TG: variants seen among roughly 807,000 people sequenced by gnomAD.
The protein encoded by TG is thyroid hormones.
Under a neutral mutation model 324.7 loss-of-function variants are expected in TG, and 270 were observed. That is an observed-to-expected ratio of 0.83 (90% CI 0.75 to 0.92). The LOEUF is 0.92. Among genes scored for constraint, TG ranks in the 40% least tolerant of loss-of-function variants. The pLI is 0.00. For missense variants in TG, 3,591 were observed against 3,456.4 expected, an observed-to-expected ratio of 1.04 and a Z score of -0.98; for synonymous variants, 1,401 against 1,327.0, an observed-to-expected ratio of 1.06 and a Z score of -1.21.
At chr8:132,993,347 C>A (rs1024582957) in intron 35 of TG, among the ~76,000 whole-genome samples, 3 of 152,122 alleles carry the variant, frequency 2.0e-5, no homozygotes, top group African/African-American at 4.8e-5. Flanking sequence ...AGTTTTGAAC[C>A]CTCCCTTTGG....
intron 15 of TG, 41 bp from the exon 16 acceptor site, chr8:132,901,312 G>A (rs1055770627): frequency 5.6e-6 from 9 of 1,610,952 alleles, no homozygotes; most frequent in Non-Finnish European, 7.6e-6. Context: ...GCAGGGAGTG[G>A]GCACTGATTC....
chr8:133,071,154 G>C (rs1357736659), intron 41 of TG, among the ~76,000 whole-genome samples: 1 of 152,194 alleles, frequency 6.6e-6, no homozygotes, highest in African/African-American at 2.4e-5. Context: ...CAACAGGAGA[G>C]GGGGCACCAG....
At chr8:132,979,454 A>G (rs1830561654) in intron 34 of TG, among the ~76,000 whole-genome samples, 1 of 152,234 alleles carries the variant, frequency 6.6e-6, no homozygotes, top group South Asian at 2.1e-4. Context: ...TCTTCTAATT[A>G]TGTGTCTCTG....
intron 41 of TG, among the ~76,000 whole-genome samples, chr8:133,034,977 T>A (rs1174947562): frequency 2.6e-5 from 4 of 152,244 alleles, no homozygotes; most frequent in Admixed American, 6.5e-5. Flanking sequence ...TTTTATCACA[T>A]TAGTCTACTT....
In TG at chr8:132,871,439, T is replaced by C. The variant is rs1305669241; in HGVS notation, c.366T>C (p.Asp122=). Reference sequence around the variant, plus strand: ...CCTCCTACCTCCCTCAGTGTCAGGATTCAGGGGACTACGCGCCTGTTCAGT... The same window carrying C: ...CCTCCTACCTCCCTCAGTGTCAGGACTCAGGGGACTACGCGCCTGTTCAGT... ...TDTSYLPQCQ[D]SGDYAPVQCD... Residue 122 remains aspartate, a synonymous_variant, in exon 4 of 48, where the codon GAT becomes GAC. Coordinates refer to ENST00000220616, the MANE Select transcript of TG (RefSeq NM_003235.5). 6.2e-7 allele frequency: 1 copy of C among 1,614,074 alleles called. No individual in the cohort carries two copies. Among genetic ancestry groups the C allele is most frequent in the Non-Finnish European group, 8.5e-7 (1 of 1,180,014 alleles).
chr8:133,011,586 T>A (rs946729454), intron 35 of TG, among the ~76,000 whole-genome samples: 3 of 152,236 alleles, frequency 2.0e-5, no homozygotes, highest in Non-Finnish European at 2.9e-5. Context: ...AATTATATCA[T>A]GATGTTTTTC....
At chr8:132,906,590 G>A in intron 16 of TG, 98 bp from the exon 17 acceptor site, 2 of 1,378,462 alleles carry the variant, frequency 1.5e-6, no homozygotes, top group Non-Finnish European at 2.0e-6. Flanking sequence ...GAGGAGGAGG[G>A]CCCAGTGTGA....
chr8:133,010,264 A>G (rs1052568747), intron 35 of TG, among the ~76,000 whole-genome samples: 2 of 152,216 alleles, frequency 1.3e-5, no homozygotes, highest in South Asian at 2.1e-4. Flanking sequence ...AAGAGGCACT[A>G]GAGCCCCTAC....
In TG at chr8:132,887,484, C is replaced by T; in HGVS notation, c.2112C>T (p.Tyr704=). ...TCCAGTGCTTCAACTCAGAGTGCTA[C>T]TGTGTTGATGCTGAGGGTCAGGCCA... ...LPVQCFNSEC[Y]CVDAEGQAIP... The change falls in exon 9 of 48, where the codon TAC becomes TAT. Residue 704 remains tyrosine (Y), a synonymous_variant. Transcript: ENST00000220616. 6.2e-7 allele frequency: 1 copy of T among 1,614,170 alleles called. No individual in the cohort carries two copies. The highest frequency in any genetic ancestry group is 2.2e-5 in the East Asian group (1 of 44,874).
chr8:132,897,932 C>G, intron 12 of TG, 146 bp downstream of exon 12: 1 of 1,053,632 alleles, frequency 9.5e-7, no homozygotes, highest in Non-Finnish European at 1.4e-6. Flanking sequence ...TCTCGGGCCT[C>G]CAGTTATCTC....
At chr8:132,878,479 G>T (rs922162845) in intron 5 of TG, among the ~76,000 whole-genome samples, 8 of 151,900 alleles carry the variant, frequency 5.3e-5, no homozygotes, top group Non-Finnish European at 7.4e-5. Context: ...AGCTGGGTGT[G>T]GTGGTGGGTG....
At chr8:133,006,609 C>A (rs1161401031) in intron 35 of TG, among the ~76,000 whole-genome samples, 1 of 152,234 alleles carries the variant, frequency 6.6e-6, no homozygotes, top group Non-Finnish European at 1.5e-5. Flanking sequence ...ATATACACAG[C>A]TGACTTAGTT....
chr8:133,019,098 G>C (rs558172797), intron 38 of TG, among the ~76,000 whole-genome samples: 6 of 152,338 alleles, frequency 3.9e-5, no homozygotes, highest in African/African-American at 9.6e-5. Flanking sequence ...GGCTAGTAAG[G>C]ATTAGGTGAT....
chr8:132,876,091 C>A (rs1197517101), intron 5 of TG, among the ~76,000 whole-genome samples: 4 of 152,080 alleles, frequency 2.6e-5, no homozygotes, highest in Admixed American at 1.3e-4. Flanking sequence ...ATATCATAAT[C>A]ACCACTGGAC....
intron 18 of TG, among the ~76,000 whole-genome samples, chr8:132,908,910 C>T (rs1433532589): frequency 1.3e-5 from 2 of 152,044 alleles, no homozygotes; most frequent in South Asian, 4.1e-4. Context: ...GGGAGAGGAA[C>T]CCCTGCAGAG....
At chr8:132,949,746 A>T (rs1193841583) in intron 27 of TG, among the ~76,000 whole-genome samples, 1 of 152,104 alleles carries the variant, frequency 6.6e-6, no homozygotes, top group Non-Finnish European at 1.5e-5. Context: ...CAAACATATA[A>T]ACACTATAGT....
chr8:133,116,049 C>T (rs140049950), intron 44 of TG, among the ~76,000 whole-genome samples: 154 of 152,080 alleles, frequency 1.0e-3, no homozygotes, highest in Admixed American at 1.8e-3. Context: ...TTGTGACAAC[C>T]AGGAATGTCT....
Position 133,012,042 on chromosome 8 carries a change from G to A in TG, c.6397+7G>A, listed in dbSNP as rs1834557274. On this transcript the variant is annotated splice_region_variant and intron_variant, in intron 36 of 47. Transcript: ENST00000220616. ...CGAGACCTCTGTTTGTCGGGTAAGGGGAGTTTCCAACCCACAGGTTGGGTG... is the reference window on the plus strand; with the variant it reads ...CGAGACCTCTGTTTGTCGGGTAAGGAGAGTTTCCAACCCACAGGTTGGGTG... The A allele has an allele frequency of 6.2e-7, 1 of 1,614,114 alleles. No individual in the cohort carries two copies. The highest frequency in any genetic ancestry group is 1.1e-5 in the South Asian group (1 of 91,070).
rs1828608923 is a variant in TG, at chr8:132,966,659, T to G, written c.5648T>G (p.Leu1883Arg). Residue 1883 changes from leucine to arginine, a missense_variant, in exon 30 of 48, where the codon CTG becomes CGG. Coordinates refer to ENST00000220616, the MANE Select transcript of TG (RefSeq NM_003235.5). ...CAGAAGCACTGGCTTTTCAAGCACC[T>G]GTTTTCAGCCCAGCAGGCAAACCTA... ...SSQKHWLFKH[L>R]FSAQQANLWC... 6.2e-7 allele frequency: 1 copy of G among 1,614,034 alleles called. No homozygotes were observed. The highest frequency in any genetic ancestry group is 1.3e-5 in the African/African-American group (1 of 74,916).
Sources: allele counts gnomAD v4.1 joint callset (sites outside exome capture counted in the v4.1 genomes callset), GRCh38; gene constraint gnomAD v4.1.1; transcripts MANE v1.5; gene names NCBI Gene and HGNC (gene_info 2026-07-23, HGNC 2026-07-21).